POU6F2: variants seen among roughly 807,000 people sequenced by gnomAD.
POU6F2 encodes the protein POU class 6 homeobox 2.
POU6F2 carries 31 observed loss-of-function variants against 71.3 expected under a neutral mutation model. The ratio of observed to expected loss-of-function variants is 0.43; its 90% CI spans 0.33 to 0.59. POU6F2 has a LOEUF of 0.59. POU6F2 is among the 20% of genes least tolerant of loss of function. The probability of loss-of-function intolerance (pLI) is 0.04; values close to 1 mark genes in which losing one functional copy is unlikely to be tolerated. For synonymous variants in POU6F2, 347 were observed against 355.7 expected, an observed-to-expected ratio of 0.98 and a Z score of 0.27; for missense variants, 783 against 856.8, an observed-to-expected ratio of 0.91 and a Z score of 1.07.
intron 5 of POU6F2, among the ~76,000 whole-genome samples, chr7:39,376,793 A>C (rs1156619595): frequency 6.6e-6 from 1 of 152,024 alleles, no homozygotes; most frequent in East Asian, 1.9e-4. Context: ...ATATATGAGT[A>C]TCTGTGATGG....
At chr7:39,373,638 A>G (rs1786656309) in intron 5 of POU6F2, 1 of 413,664 alleles carries the variant, frequency 2.4e-6, no homozygotes, top group South Asian at 1.8e-5. Context: ...ATAATTTTAC[A>G]AAGAGGCTGG....
chr7:39,228,264 T>C (rs995952356), intron 4 of POU6F2, among the ~76,000 whole-genome samples: 1 of 152,248 alleles, frequency 6.6e-6, no homozygotes, highest in African/African-American at 2.4e-5. Flanking sequence ...TCTATCCCAA[T>C]TTAATATAAA....
In POU6F2 at chr7:39,185,653, C is replaced by T. The variant is rs1434036168; in HGVS notation, c.278-18582C>T. 3.3e-5 allele frequency among the ~76,000 whole-genome samples: 5 copies of T among 151,870 alleles called. 1 individual carries two copies. The highest frequency in any genetic ancestry group is 7.4e-5 in the Non-Finnish European group (5 of 68,004). ...TTCAGGTGATCTCCTGAAATAATTCCTTGTTTAACCATTAGTTTAATGGTA... is the reference window on the plus strand; with the variant it reads ...TTCAGGTGATCTCCTGAAATAATTCTTTGTTTAACCATTAGTTTAATGGTA... On this transcript the variant is annotated intron_variant, in intron 2 of 9. Transcript: ENST00000518318.
chr7:39,402,729 C>G (rs146057861), intron 5 of POU6F2, among the ~76,000 whole-genome samples: 1 of 152,170 alleles, frequency 6.6e-6, no homozygotes, highest in East Asian at 1.9e-4. Flanking sequence ...CTTATGCTCT[C>G]TACTCTAAAA....
intron 4 of POU6F2, among the ~76,000 whole-genome samples, chr7:39,310,968 C>T (rs890102678): frequency 2.0e-5 from 3 of 152,118 alleles, no homozygotes; most frequent in African/African-American, 4.8e-5. Context: ...CCAGTGAAAG[C>T]GACTCATCCT....
intron 4 of POU6F2, among the ~76,000 whole-genome samples, chr7:39,286,627 C>A (rs1032290783): frequency 1.3e-5 from 2 of 152,204 alleles, no homozygotes; most frequent in Admixed American, 1.3e-4. Context: ...TTATATTACT[C>A]TGGAATCTCA....
At chr7:39,209,051 G>A (rs1315515217) in intron 4 of POU6F2, among the ~76,000 whole-genome samples, 1 of 151,624 alleles carries the variant, frequency 6.6e-6, no homozygotes, top group African/African-American at 2.4e-5. Context: ...AAAAATCAGA[G>A]TTTAAAAAAA....
At chr7:39,377,314 C>G (rs368472309) in intron 5 of POU6F2, among the ~76,000 whole-genome samples, 1 of 151,758 alleles carries the variant, frequency 6.6e-6, no homozygotes, top group Non-Finnish European at 1.5e-5. Context: ...TAGTTTTAGT[C>G]GAGACAGAGT....
chr7:39,110,040 G>A (rs968137118), intron 2 of POU6F2, among the ~76,000 whole-genome samples: 2 of 152,140 alleles, frequency 1.3e-5, no homozygotes, highest in African/African-American at 2.4e-5. Flanking sequence ...GGAGGCCGAG[G>A]AGGGCGGATC....
At chr7:39,185,903 A>ATACATG (rs1793531150) in intron 2 of POU6F2, among the ~76,000 whole-genome samples, 1 of 149,284 alleles carries the variant, frequency 6.7e-6, no homozygotes, top group African/African-American at 2.5e-5. Flanking sequence ...GTATATGTAT[A>ATACATG]TATATGTATA....
intron 2 of POU6F2, among the ~76,000 whole-genome samples, chr7:39,104,794 C>A (rs916142625): frequency 7.9e-5 from 12 of 152,116 alleles, no homozygotes; most frequent in Admixed American, 7.2e-4. Flanking sequence ...ATATTTATTT[C>A]TTTTCTGTCT....
chr7:39,256,916 C>A (rs1784035920), intron 4 of POU6F2, among the ~76,000 whole-genome samples: 1 of 152,162 alleles, frequency 6.6e-6, no homozygotes. Context: ...CATTAAAACC[C>A]ATTTTGCATG....
At chr7:38,982,477 C>T (rs893747393) in intron 1 of POU6F2, among the ~76,000 whole-genome samples, 15 of 151,888 alleles carry the variant, frequency 9.9e-5, no homozygotes, top group Non-Finnish European at 2.2e-4. Flanking sequence ...GTTTATTGAC[C>T]TAAAAAACTT....
intron 1 of POU6F2, among the ~76,000 whole-genome samples, chr7:39,015,853 A>AT (rs1491398810): frequency 1.9e-4 from 4 of 20,860 alleles, no homozygotes; most frequent in African/African-American, 2.0e-4. Context: ...TTATATATAG[A>AT]TATATATAAT....
At chr7:39,095,666 G>T (rs1791441258) in intron 2 of POU6F2, among the ~76,000 whole-genome samples, 1 of 152,128 alleles carries the variant, frequency 6.6e-6, no homozygotes, top group Admixed American at 6.6e-5. Flanking sequence ...ACAAAATCTG[G>T]CTGGGTGACA....
intron 4 of POU6F2, among the ~76,000 whole-genome samples, chr7:39,265,179 T>G (rs547572389): frequency 6.6e-6 from 1 of 152,282 alleles, no homozygotes; most frequent in East Asian, 1.9e-4. Flanking sequence ...GTAAAAATTC[T>G]GGGACCCTCT....
At chr7:38,987,478 G>T (rs1341783971) in intron 1 of POU6F2, among the ~76,000 whole-genome samples, 1 of 152,080 alleles carries the variant, frequency 6.6e-6, no homozygotes, top group African/African-American at 2.4e-5. Context: ...ATCTAGATTA[G>T]TGAAAAAGAG....
In POU6F2 at chr7:39,297,260, T is replaced by C. The variant is rs540214291; in HGVS notation, c.599-42382T>C. ...ACATGAATTCACATATACGTGCACA[T>C]TTTTTTCCTGGACTGAATTCAGCAT... On this transcript the variant is annotated intron_variant, in intron 4 of 9. Transcript: ENST00000518318. Among the ~76,000 whole-genome samples, 371 of 149,744 alleles carry C rather than the reference T, an allele frequency of 2.5e-3. 1 individual carries two copies. The highest frequency in any genetic ancestry group is 8.5e-3 in the African/African-American group (346 of 40,780).
intron 1 of POU6F2, among the ~76,000 whole-genome samples, chr7:39,012,353 G>A (rs1149537): frequency 2.0e-5 from 3 of 151,258 alleles, no homozygotes; most frequent in Admixed American, 6.6e-5. Flanking sequence ...CGTAGTTCTC[G>A]AGCCTTGGTT....
Sources: gnomAD v4.1 joint callset for allele counts (sites outside exome capture counted in the v4.1 genomes callset) on GRCh38, gnomAD v4.1.1 for gene constraint, MANE v1.5 for transcripts, NCBI Gene and HGNC (gene_info 2026-07-23, HGNC 2026-07-21) for gene names.